The following PDHA1 variants were observed in gnomAD, a reference collection of about 807,000 sequenced individuals.
PDHA1 encodes pyruvate dehydrogenase E1 subunit alpha 1, also known as pyruvate dehydrogenase E1 component subunit alpha, somatic form, mitochondrial.
In PDHA1, 1 loss-of-function variant was observed where a neutral mutation model predicts 33.0. The observed-to-expected ratio is 0.03, with a 90% CI of 0.01 to 0.14. PDHA1 has a LOEUF of 0.14. PDHA1 is among the 10% of genes least tolerant of loss of function. The pLI, the probability that PDHA1 is intolerant of heterozygous loss-of-function variation, is 1.00. For synonymous variants in PDHA1, 123 were observed against 119.2 expected (o/e 1.03, Z -0.21); for missense variants, 168 against 325.1 (o/e 0.52, Z 3.72).
chrX:19,357,670 C>T lies in PDHA1; in HGVS notation c.850C>T (p.Leu284=). 1 of 1,208,278 alleles carries T rather than the reference C, an allele frequency of 8.3e-7. No homozygotes were observed. The highest frequency in any genetic ancestry group is 2.2e-5 in the Admixed American group (1 of 45,773). ...GTTTTAGGGGCCCATCCTGATGGAG[C>T]TGCAGACTTACCGTTACCACGGACA... ...RSGKGPILME[L]QTYRYHGHSM... Residue 284 remains leucine, a synonymous_variant, in exon 9 of 11, where the codon CTG becomes TTG. Coordinates refer to ENST00000422285, the MANE Select transcript of PDHA1 (RefSeq NM_000284.4).
At chrX:19,355,214 C>T in intron 6 of PDHA1, 135 bp from the exon 7 acceptor site, 1 of 765,481 alleles carries the variant, frequency 1.3e-6, no homozygotes. Context: ...CCTCACCACC[C>T]AAAGCTCGGT....
In PDHA1 at chrX:19,360,874, A is replaced by G. The variant is rs766795601; in HGVS notation, c.*1221A>G. 1.3e-5 allele frequency: 13 copies of G among 1,007,003 alleles called. No homozygotes were observed. The highest frequency in any genetic ancestry group is 1.8e-5 in the Non-Finnish European group (13 of 729,929). 83.0% of individuals were successfully genotyped at this position (1,007,003 alleles called of 1,213,427 possible). ...AGCTGTCTTCAGAGTCAGTGCTTCA[A>G]GCCAACAGAGCTTAAAACTGCAGTC... On this transcript the variant is annotated 3_prime_UTR_variant, in exon 11 of 11. Transcript: ENST00000422285.
intron 9 of PDHA1, 46 bp from the exon 10 acceptor site, chrX:19,358,870 C>A: frequency 1.4e-6 from 1 of 739,431 alleles, no homozygotes; most frequent in Non-Finnish European, 2.1e-6. Flanking sequence ...CCTTGCTCTA[C>A]TGGAACTGCT....
chrX:19,348,780 C>T (rs1358688624), intron 1 of PDHA1, among the ~76,000 whole-genome samples: 3 of 111,594 alleles, frequency 2.7e-5, no homozygotes, highest in Non-Finnish European at 3.8e-5. Context: ...CCCATCTCTA[C>T]TAAAAATATA....
In PDHA1 at chrX:19,360,306, A is replaced by ATGTT. The variant is rs1255603426; in HGVS notation, c.*658_*661dup. The ATGTT allele has an allele frequency of 1.7e-4, 24 of 141,732 alleles. No homozygotes were observed. Among genetic ancestry groups the ATGTT allele is most frequent in the Non-Finnish European group, 2.7e-4 (20 of 72,920 alleles). 11.7% of individuals were successfully genotyped at this position (141,732 alleles called of 1,213,427 possible). On this transcript the variant is annotated 3_prime_UTR_variant, in exon 11 of 11. Transcript: ENST00000422285. Reference sequence around the variant, plus strand: ...GTTCTGAGGCAGTGTCCCAGCTTCCATGTTTGTTAAATACCCCTTGTTTGT... The same window carrying ATGTT: ...GTTCTGAGGCAGTGTCCCAGCTTCCATGTTTGTTTGTTAAATACCCCTTGTTTGT...
chrX:19,345,767 C>T (rs762555414), intron 1 of PDHA1: 1 of 278,208 alleles, frequency 3.6e-6, no homozygotes, highest in Non-Finnish European at 6.9e-6. Flanking sequence ...CGCCACCTTA[C>T]AGTAGGAAGA....
At chrX:19,357,573 C>T (rs2063212028) in intron 8 of PDHA1, 79 bp from the exon 9 acceptor site, 3 of 770,152 alleles carry the variant, frequency 3.9e-6, no homozygotes, top group South Asian at 2.1e-5. Flanking sequence ...AAAGGGCCTG[C>T]GTTTGAGGCC....
intron 5 of PDHA1, among the ~76,000 whole-genome samples, chrX:19,353,584 A>G (rs2063176745): frequency 9.0e-6 from 1 of 111,512 alleles, no homozygotes. Flanking sequence ...CAATTCTGAG[A>G]ATATATCCCT....
chrX:19,357,611 A>T lies in PDHA1; in HGVS notation c.832-41A>T, dbSNP rs780160728. ...GGATTGCCGGCCTGTTCTTCCAGTC[A>T]TCGTTCCTAACTAACTAACTGCCTA... On this transcript the variant is annotated intron_variant, in intron 8 of 10. Transcript: ENST00000422285. 19 of 1,112,385 alleles carry T rather than the reference A, an allele frequency of 1.7e-5. No individual in the cohort carries two copies. The East Asian group carries it at 5.7e-4, about 33-fold the overall frequency. The allele number at this position is 1,112,385 out of a possible 1,213,427, so 91.7% of individuals were successfully genotyped here. A position where few individuals can be genotyped will look rare whatever the true frequency, so the allele number is the denominator to read the frequency against.
chrX:19,360,606 TTTAAAAC>T lies in PDHA1; in HGVS notation c.*954_*960del, dbSNP rs2063271378. On this transcript the variant is annotated 3_prime_UTR_variant, in exon 11 of 11. Coordinates refer to ENST00000422285, the MANE Select transcript of PDHA1 (RefSeq NM_000284.4). ...GTTTCAAAAGAAACTCAGGACAGTA[TTTAAAAC>T]AAGTTCTTAAACTATTAATTGAACA... is the stretch of plus-strand genomic sequence containing the variant. 1 of 472,323 alleles carries T rather than the reference TTTAAAAC, an allele frequency of 2.1e-6. No individual in the cohort carries two copies. Among genetic ancestry groups the T allele is most frequent in the Admixed American group, 4.0e-5 (1 of 25,290 alleles). The allele number at this position is 472,323 out of a possible 1,213,427, so 38.9% of individuals were successfully genotyped here. A position where few individuals can be genotyped will look rare whatever the true frequency, so the allele number is the denominator to read the frequency against.
At chrX:19,355,148 C>T (rs1240413437) in intron 6 of PDHA1, among the ~76,000 whole-genome samples, 1 of 111,811 alleles carries the variant, frequency 8.9e-6, no homozygotes, top group Non-Finnish European at 1.9e-5. Context: ...TGTCACCTTC[C>T]TTAGTTGCAA....
chrX:19,359,392 A>AC, intron 10 of PDHA1, 97 bp from the exon 11 acceptor site: 1 of 684,176 alleles, frequency 1.5e-6, no homozygotes, highest in Non-Finnish European at 2.4e-6. Context: ...ACTTGTAGTT[A>AC]AAGAGTTACA....
Position 19,344,020 on chromosome X carries a change from C to T in PDHA1, c.-18C>T, listed in dbSNP as rs1218680553. The T allele has an allele frequency of 2.7e-5, 32 of 1,204,983 alleles. No homozygotes were observed. The highest frequency in any genetic ancestry group is 3.5e-5 in the Non-Finnish European group (31 of 892,426). Reference sequence around the variant, plus strand: ...CTGGGTTGTGAGGAGTCGCCGCTGCCGCCACTGCCTGTGCTTCATGAGGAA... The same window carrying T: ...CTGGGTTGTGAGGAGTCGCCGCTGCTGCCACTGCCTGTGCTTCATGAGGAA... On this transcript the variant is annotated 5_prime_UTR_variant, in exon 1 of 11. Transcript: ENST00000422285.
intron 1 of PDHA1, among the ~76,000 whole-genome samples, chrX:19,347,070 T>C (rs12011650): frequency 0.079 from 8,781 of 111,065 alleles, 864 homozygotes; most frequent in African/African-American, 0.27. Flanking sequence ...TTTTAATATT[T>C]ATTTTTGTAG....
In PDHA1 at chrX:19,360,882, G is replaced by A; in HGVS notation, c.*1229G>A. ...TCAGAGTCAGTGCTTCAAGCCAACAGAGCTTAAAACTGCAGTCCCTAATTT... is the reference window on the plus strand; with the variant it reads ...TCAGAGTCAGTGCTTCAAGCCAACAAAGCTTAAAACTGCAGTCCCTAATTT... On this transcript the variant is annotated 3_prime_UTR_variant, in exon 11 of 11. Transcript: ENST00000422285. 1 of 999,898 alleles carries A rather than the reference G, an allele frequency of 1.0e-6. No individual in the cohort carries two copies. The highest frequency in any genetic ancestry group is 3.1e-5 in the East Asian group (1 of 32,550). 82.4% of individuals were successfully genotyped at this position (999,898 alleles called of 1,213,427 possible). A position where few individuals can be genotyped will look rare whatever the true frequency, so the allele number is the denominator to read the frequency against.
chrX:19,354,284 A>G (rs1209349719), intron 5 of PDHA1, among the ~76,000 whole-genome samples: 2 of 112,884 alleles, frequency 1.8e-5, no homozygotes, highest in Non-Finnish European at 3.7e-5. Flanking sequence ...ACTGGTTAAA[A>G]TAGAACATAG....
At chrX:19,356,500 T>G (rs990571173) in intron 8 of PDHA1, among the ~76,000 whole-genome samples, 1 of 111,307 alleles carries the variant, frequency 9.0e-6, no homozygotes, top group African/African-American at 3.3e-5. Flanking sequence ...TAAGAGCTAA[T>G]GAGTAGAATG....
At chrX:19,358,380 A>C (rs1041318624) in intron 9 of PDHA1, among the ~76,000 whole-genome samples, 1 of 111,988 alleles carries the variant, frequency 8.9e-6, no homozygotes, top group African/African-American at 3.2e-5. Flanking sequence ...GTGTTACTTC[A>C]GATGATATAG....
intron 2 of PDHA1, among the ~76,000 whole-genome samples, chrX:19,349,709 G>T (rs776588035): frequency 1.8e-5 from 2 of 111,954 alleles, no homozygotes; most frequent in East Asian, 5.6e-4. Context: ...GGCTTCTAGG[G>T]GCTTTCAGTG....
Sources: allele counts gnomAD v4.1 joint callset (sites outside exome capture counted in the v4.1 genomes callset), GRCh38; gene constraint gnomAD v4.1.1; transcripts MANE v1.5; gene names NCBI Gene and HGNC (gene_info 2026-07-23, HGNC 2026-07-21).